The following ZNF331 variants were observed in gnomAD, a reference collection of about 807,000 sequenced individuals.
ZNF331 encodes the protein C2H2-like zinc finger protein rearranged in thyroid adenomas.
ZNF331 carries 2 observed loss-of-function variants against 7.0 expected under a neutral mutation model. The observed-to-expected ratio is 0.29, with a 90% CI of 0.12 to 0.90. ZNF331 has a LOEUF of 0.90. Among genes scored for constraint, ZNF331 ranks in the 40% least tolerant of loss-of-function variants. The pLI, the probability that ZNF331 is intolerant of heterozygous loss-of-function variation, is 0.58. For synonymous variants in ZNF331, 196 were observed against 205.4 expected (o/e 0.95, Z 0.39); for missense variants, 432 against 587.7 (o/e 0.74, Z 2.74).
intron 2 of ZNF331, among the ~76,000 whole-genome samples, chr19:53,544,425 G>C (rs545801745): frequency 6.7e-6 from 1 of 150,010 alleles, no homozygotes; most frequent in South Asian, 2.1e-4. Flanking sequence ...GGCACCTGTA[G>C]TCCCAGCTAC....
At chr19:53,511,242 C>T in the ZNF331 span, among the ~76,000 whole-genome samples, 1 of 151,800 alleles carries the variant, frequency 6.6e-6, no homozygotes, top group Non-Finnish European at 1.5e-5. Context: ...TTATCTCATA[C>T]TATACAATAT....
At chr19:53,569,004 G>A (rs1011918655) in intron 3 of ZNF331, among the ~76,000 whole-genome samples, 6 of 151,842 alleles carry the variant, frequency 4.0e-5, no homozygotes, top group African/African-American at 9.7e-5. Context: ...CTACAGGCAC[G>A]TGCCACCACA....
chr19:53,506,409 CTCCTCTCT>C, the ZNF331 span, among the ~76,000 whole-genome samples: 1 of 122,526 alleles, frequency 8.2e-6, no homozygotes, highest in Non-Finnish European at 1.7e-5. Flanking sequence ...CACTCTCTCT[CTCCTCTCT>C]CTCTCTCTCT....
At chr19:53,537,246 G>A (rs1305885167), upstream of ZNF331, 1 of 152,360 alleles carries the variant, frequency 6.6e-6, no homozygotes, top group Non-Finnish European at 1.5e-5. Flanking sequence ...ACATCCTGTA[G>A]ACCCTGTGAC....
intron 2 of ZNF331, among the ~76,000 whole-genome samples, chr19:53,525,687 T>A (rs2708770): frequency 0.26 from 39,928 of 152,074 alleles, 6,200 homozygotes; most frequent in African/African-American, 0.43. Context: ...CTAGTCATTT[T>A]TTGATGGAGC....
chr19:53,562,694 A>G (rs2147561546), intron 3 of ZNF331, among the ~76,000 whole-genome samples: 1 of 151,706 alleles, frequency 6.6e-6, no homozygotes, highest in South Asian at 2.1e-4. Context: ...CCATCTCAAA[A>G]AGAAAAAAAA....
At chr19:53,575,728 G>T (rs774250681) in intron 5 of ZNF331, among the ~76,000 whole-genome samples, 3 of 148,258 alleles carry the variant, frequency 2.0e-5, no homozygotes, top group Non-Finnish European at 4.4e-5. Context: ...CTGTCACCCA[G>T]GCTGGAGTGC....
At chr19:53,570,895 C>T (rs567240748) in intron 4 of ZNF331, among the ~76,000 whole-genome samples, 79 of 138,214 alleles carry the variant, frequency 5.7e-4, no homozygotes, top group African/African-American at 1.9e-3. Context: ...CTCGCTCTGT[C>T]GCCCAGGCTG....
intron 5 of ZNF331, among the ~76,000 whole-genome samples, chr19:53,572,813 G>A (rs185962221): frequency 2.6e-5 from 4 of 152,008 alleles, no homozygotes; most frequent in Admixed American, 1.3e-4. Flanking sequence ...GCAGTCAGAC[G>A]GAGGGAGCAG....
At chr19:53,546,986 A>G (rs2147380326) in intron 2 of ZNF331, among the ~76,000 whole-genome samples, 1 of 152,170 alleles carries the variant, frequency 6.6e-6, no homozygotes, top group East Asian at 1.9e-4. Flanking sequence ...GTGTATGTTT[A>G]TGGTCTACAG....
At chr19:53,568,487 T>G (rs1433185696) in intron 3 of ZNF331, among the ~76,000 whole-genome samples, 1 of 152,126 alleles carries the variant, frequency 6.6e-6, no homozygotes, top group Non-Finnish European at 1.5e-5. Context: ...TGGTTAATCT[T>G]AGTGTCCAGG....
chr19:53,577,934 G>C lies in ZNF331; in HGVS notation c.1374G>C (p.Gln458His), dbSNP rs61741983. The C allele has an allele frequency of 6.2e-7, 1 of 1,612,760 alleles. No homozygotes were observed. Among genetic ancestry groups the C allele is most frequent in the Non-Finnish European group, 8.5e-7 (1 of 1,179,246 alleles). The change falls in exon 6 of 6, where the codon CAG becomes CAC. Residue 458 changes from glutamine to histidine, a missense_variant. Physicochemically the swap from Gln to His is conservative, Grantham distance 24 (BLOSUM62 0). Around this residue, in one of 3 missense-constraint regions of ZNF331, gnomAD observed 312 missense variants for 448.6 expected, o/e 0.70. Transcript: ENST00000449416. ...ACCTAAACCATCTCCGAGAACATCA[G>C]AGGATCCACAACAGTTGAAGAGCCT... The part of the protein sequence containing the change: ...CNHLNHLREH[Q>H]RIHNS
At chr19:53,537,407 A>G (rs2087801853), upstream of ZNF331, 1 of 152,282 alleles carries the variant, frequency 6.6e-6, no homozygotes, top group Non-Finnish European at 1.5e-5. Flanking sequence ...CAGAGGGGCT[A>G]GGAGAGGATA....
chr19:53,561,411 A>G (rs2089880592), intron 3 of ZNF331, among the ~76,000 whole-genome samples: 1 of 150,660 alleles, frequency 6.6e-6, no homozygotes, highest in Admixed American at 6.6e-5. Context: ...TAATTGTGCG[A>G]TCCACAGGTC....
chr19:53,534,507 G>A (rs1021481875), upstream of ZNF331, among the ~76,000 whole-genome samples: 4 of 151,932 alleles, frequency 2.6e-5, no homozygotes, highest in Admixed American at 6.6e-5. Flanking sequence ...GGCTGGTCTC[G>A]AACTCTTGAC....
At chr19:53,544,355 C>CT (rs1379865220) in intron 2 of ZNF331, among the ~76,000 whole-genome samples, 2 of 151,116 alleles carry the variant, frequency 1.3e-5, no homozygotes, top group Non-Finnish European at 2.9e-5. Context: ...ACCATCCTGG[C>CT]TAACACGGTG....
chr19:53,530,822 G>A (rs1261269069), intron 2 of ZNF331, among the ~76,000 whole-genome samples: 1 of 152,354 alleles, frequency 6.6e-6, no homozygotes, highest in East Asian at 1.9e-4. Context: ...TTGCGTGGGC[G>A]TGTGTGGGGT....
intron 5 of ZNF331, among the ~76,000 whole-genome samples, chr19:53,575,634 TG>T (rs2090681297): frequency 7.5e-6 from 1 of 133,250 alleles, no homozygotes; most frequent in Admixed American, 7.7e-5. Flanking sequence ...CCACCATGCC[TG>T]GCTAATTTTT....
chr19:53,572,541 ACATATATAT>A (rs2090497323), intron 5 of ZNF331, among the ~76,000 whole-genome samples: 1 of 114,324 alleles, frequency 8.7e-6, no homozygotes, highest in African/African-American at 4.9e-5. Context: ...ATATACACAC[ACATATATAT>A]TATATATACA....
Sources: gnomAD v4.1 joint callset for allele counts (sites outside exome capture counted in the v4.1 genomes callset) on GRCh38, gnomAD v4.1.1 for gene constraint, gnomAD v4.1.1 regional missense constraint, MANE v1.5 for transcripts, NCBI Gene and HGNC (gene_info 2026-07-23, HGNC 2026-07-21) for gene names.